The following CWC27 variants were observed in gnomAD, a reference collection of about 807,000 sequenced individuals.
The protein encoded by CWC27 is CWC27 spliceosome associated cyclophilin.
In CWC27, 47 loss-of-function variants were observed where a neutral mutation model predicts 63.6. The ratio of observed to expected loss-of-function variants is 0.74; its 90% CI spans 0.58 to 0.94. The LOEUF is 0.94. CWC27 is among the 40% of genes least tolerant of loss of function. The probability of loss-of-function intolerance (pLI) is 0.00; values close to 1 mark genes in which losing one functional copy is unlikely to be tolerated. For synonymous variants in CWC27, 175 were observed against 179.8 expected (o/e 0.97, Z 0.22); for missense variants, 495 against 554.3 (o/e 0.89, Z 1.07).
At chr5:64,936,212 G>T (rs1169051466) in intron 11 of CWC27, among the ~76,000 whole-genome samples, 3 of 152,138 alleles carry the variant, frequency 2.0e-5, no homozygotes, top group Non-Finnish European at 4.4e-5. Context: ...CTTTTGCCCA[G>T]TCAGTATGAT....
chr5:64,784,062 C>G, intron 4 of CWC27, 83 bp downstream of exon 4: 1 of 1,201,512 alleles, frequency 8.3e-7, no homozygotes, highest in Non-Finnish European at 1.1e-6. Context: ...ATATGATTAA[C>G]TTATCTAAGA....
chr5:64,784,113 T>A (rs989847398), intron 4 of CWC27, 134 bp downstream of exon 4: 7 of 799,698 alleles, frequency 8.8e-6, no homozygotes, highest in Non-Finnish European at 1.3e-5. Context: ...TGTTTATTAT[T>A]TTCAAAAATG....
At chr5:64,900,313 A>C (rs945988060) in intron 11 of CWC27, among the ~76,000 whole-genome samples, 1 of 152,166 alleles carries the variant, frequency 6.6e-6, no homozygotes, top group Non-Finnish European at 1.5e-5. Flanking sequence ...ATTAATAATG[A>C]TGTTGAGCAT....
At chr5:64,985,750 C>T (rs2112453732) in intron 13 of CWC27, among the ~76,000 whole-genome samples, 1 of 152,098 alleles carries the variant, frequency 6.6e-6, no homozygotes, top group East Asian at 1.9e-4. Context: ...TTTATTTTTG[C>T]TCTACTGCTC....
At chr5:64,898,350 A>G (rs1747427686) in intron 11 of CWC27, among the ~76,000 whole-genome samples, 1 of 152,188 alleles carries the variant, frequency 6.6e-6, no homozygotes, top group African/African-American at 2.4e-5. Flanking sequence ...AGGCAAAATT[A>G]GCCCAATGAA....
intron 11 of CWC27, among the ~76,000 whole-genome samples, chr5:64,911,463 A>G (rs1747784081): frequency 6.6e-6 from 1 of 152,218 alleles, no homozygotes; most frequent in Admixed American, 6.5e-5. Flanking sequence ...AGAGCTGGAT[A>G]AATATTTAAA....
Position 64,919,417 on chromosome 5 carries a change from G to T in CWC27, c.1042+33871G>T, listed in dbSNP as rs543554884. On this transcript the variant is annotated intron_variant, in intron 11 of 13. Transcript: ENST00000381070. ...GCAGGTTTGTTACATGGGTAAATTG[G>T]GTGTCATTGAGGCTTGGTGTACACA... is the stretch of plus-strand genomic sequence containing the variant. Among the ~76,000 whole-genome samples the T allele has an allele frequency of 3.2e-4, 48 of 152,134 alleles. 1 individual carries two copies. The highest frequency in any genetic ancestry group is 3.0e-3 in the Admixed American group (46 of 15,274).
Position 64,895,209 on chromosome 5 carries a change from A to G in CWC27, c.1042+9663A>G, listed in dbSNP as rs1747340436. 2.0e-5 allele frequency among the ~76,000 whole-genome samples: 3 copies of G among 152,272 alleles called. 1 individual carries two copies. Among genetic ancestry groups the G allele is most frequent in the South Asian group, 4.1e-4 (2 of 4,828 alleles). On this transcript the variant is annotated intron_variant, in intron 11 of 13. Coordinates refer to ENST00000381070, the MANE Select transcript of CWC27 (RefSeq NM_005869.4). Reference sequence around the variant, plus strand: ...TTCACAGATAATATGTGAACACCCTATACAATGTAACAGTCTCCTTATGCA... The same window carrying G: ...TTCACAGATAATATGTGAACACCCTGTACAATGTAACAGTCTCCTTATGCA...
chr5:64,786,608 T>C lies in CWC27; in HGVS notation c.580T>C (p.Leu194=), dbSNP rs1743896150. 1 of 1,580,808 alleles carries C rather than the reference T, an allele frequency of 6.3e-7. No homozygotes were observed. Among genetic ancestry groups the C allele is most frequent in the Non-Finnish European group, 8.6e-7 (1 of 1,164,984 alleles). ...GAAACCAGAGGAGGAAGTAAAGAAA[T>C]TGAAACCCAAAGGCACAAAGTAATC... is the stretch of plus-strand genomic sequence containing the variant. ...KEKPEEEVKK[L]KPKGTKNFSL... Residue 194 remains leucine (L), a synonymous_variant, in exon 6 of 14, where the codon TTG becomes CTG. Coordinates refer to ENST00000381070, the MANE Select transcript of CWC27 (RefSeq NM_005869.4).
chr5:64,979,442 C>T (rs945333967), intron 13 of CWC27, among the ~76,000 whole-genome samples: 1 of 152,160 alleles, frequency 6.6e-6, no homozygotes, highest in African/African-American at 2.4e-5. Context: ...TATGTAATGC[C>T]TTTTTATTGC....
At chr5:64,809,138 C>G (rs1744789612) in intron 10 of CWC27, among the ~76,000 whole-genome samples, 1 of 152,064 alleles carries the variant, frequency 6.6e-6, no homozygotes, top group Admixed American at 6.6e-5. Flanking sequence ...CTTTTCTAAC[C>G]TTTAAAACAA....
chr5:64,801,443 T>A, intron 9 of CWC27, 111 bp downstream of exon 9: 1 of 905,208 alleles, frequency 1.1e-6, no homozygotes, highest in Non-Finnish European at 1.5e-6. Context: ...CTTTTATAGT[T>A]ATATATGTCA....
intron 10 of CWC27, among the ~76,000 whole-genome samples, chr5:64,831,511 T>C (rs6881691): frequency 0.025 from 3,741 of 151,792 alleles, 100 homozygotes; most frequent in African/African-American, 0.073. Flanking sequence ...GATAGATAGA[T>C]AGACAGACAC....
At chr5:64,955,624 G>A (rs1326952246) in intron 11 of CWC27, among the ~76,000 whole-genome samples, 2 of 152,048 alleles carry the variant, frequency 1.3e-5, no homozygotes, top group South Asian at 4.1e-4. Flanking sequence ...AGCATAGTTG[G>A]ATGAGCTTTT....
chr5:64,842,898 G>A (rs921709801), intron 10 of CWC27, among the ~76,000 whole-genome samples: 13 of 152,086 alleles, frequency 8.5e-5, no homozygotes, highest in African/African-American at 2.2e-4. Flanking sequence ...CACCCTACCC[G>A]GCCTTTTTCA....
chr5:64,968,774 C>T (rs1351641224), intron 11 of CWC27, among the ~76,000 whole-genome samples: 1 of 152,112 alleles, frequency 6.6e-6, no homozygotes, highest in African/African-American at 2.4e-5. Flanking sequence ...AAGTTATATG[C>T]TCTATACAAT....
chr5:65,007,018 G>GA (rs1237844421), intron 13 of CWC27, among the ~76,000 whole-genome samples: 7 of 144,090 alleles, frequency 4.9e-5, no homozygotes, highest in East Asian at 2.1e-4. Context: ...AAGAAAGAAA[G>GA]AAAGAAAAGA....
At chr5:64,821,620 T>C (rs1381902874) in intron 10 of CWC27, among the ~76,000 whole-genome samples, 1 of 152,194 alleles carries the variant, frequency 6.6e-6, no homozygotes, top group Non-Finnish European at 1.5e-5. Flanking sequence ...TACTAACCCT[T>C]AGTTTTTTGT....
intron 11 of CWC27, among the ~76,000 whole-genome samples, chr5:64,941,570 G>C (rs981277275): frequency 4.6e-5 from 7 of 151,774 alleles, no homozygotes; most frequent in African/African-American, 1.7e-4. Context: ...AAAACAAAAA[G>C]AAGAAAATAA....
Sources: allele counts gnomAD v4.1 joint callset (sites outside exome capture counted in the v4.1 genomes callset), GRCh38; gene constraint gnomAD v4.1.1; transcripts MANE v1.5; gene names NCBI Gene and HGNC (gene_info 2026-07-23, HGNC 2026-07-21).